NAA25: variants seen among roughly 807,000 people sequenced by gnomAD.
NAA25 encodes the protein N-alpha-acetyltransferase 25, NatB auxiliary subunit.
NAA25 carries 30 observed loss-of-function variants against 132.5 expected under a neutral mutation model. The ratio of observed to expected loss-of-function variants is 0.23; its 90% CI spans 0.17 to 0.31. The LOEUF (loss-of-function observed/expected upper bound fraction) is 0.31, where lower values mean the gene tolerates loss of function less well. Among genes scored for constraint, NAA25 ranks in the 10% least tolerant of loss-of-function variants. NAA25 has a pLI of 1.00. For synonymous variants in NAA25, 359 were observed against 401.9 expected, an observed-to-expected ratio of 0.89 and a Z score of 1.28; for missense variants, 771 against 1,150.4, an observed-to-expected ratio of 0.67 and a Z score of 4.77.
Position 112,026,967 on chromosome 12 carries a change from CACA to C in NAA25, c.*2561_*2563del, listed in dbSNP as rs2078094791. 6.6e-6 allele frequency: 1 copy of C among 152,504 alleles called. No homozygotes were observed. The highest frequency in any genetic ancestry group is 1.5e-5 in the Non-Finnish European group (1 of 68,016). 9.4% of individuals were successfully genotyped at this position (152,504 alleles called of 1,614,324 possible). A position where few individuals can be genotyped will look rare whatever the true frequency, so the allele number is the denominator to read the frequency against. ...GAAAATATACAAAATTGATGGGCAA[CACA>C]ACTAGGCATTTGTACATTTTCCATT... On this transcript the variant is annotated 3_prime_UTR_variant, in exon 24 of 24. Coordinates refer to ENST00000261745, the MANE Select transcript of NAA25 (RefSeq NM_024953.4).
intron 1 of NAA25, among the ~76,000 whole-genome samples, chr12:112,094,240 C>CAAAAA (rs199734463): frequency 5.8e-5 from 4 of 69,264 alleles, no homozygotes; most frequent in Admixed American, 1.6e-4. Context: ...GACTCTGTCT[C>CAAAAA]AAAAAAAAAA....
At chr12:112,061,530 T>A in intron 11 of NAA25, 142 bp from the exon 12 acceptor site, 2 of 688,118 alleles carry the variant, frequency 2.9e-6, no homozygotes, top group Non-Finnish European at 4.8e-6. Context: ...ATTTTCTATC[T>A]ACCAAAATAG....
chr12:112,037,059 G>GA (rs1051423119), intron 22 of NAA25, among the ~76,000 whole-genome samples: 1 of 151,616 alleles, frequency 6.6e-6, no homozygotes, highest in Non-Finnish European at 1.5e-5. Flanking sequence ...TCAGTTCACT[G>GA]AAAAAATACC....
At chr12:112,096,676 T>C (rs1357602487) in intron 1 of NAA25, among the ~76,000 whole-genome samples, 1 of 152,204 alleles carries the variant, frequency 6.6e-6, no homozygotes, top group African/African-American at 2.4e-5. Flanking sequence ...AATACCAGTT[T>C]TCTTAAATCC....
At chr12:112,062,207 G>GC (rs565795137) in intron 11 of NAA25, among the ~76,000 whole-genome samples, 4 of 151,980 alleles carry the variant, frequency 2.6e-5, no homozygotes, top group Non-Finnish European at 4.4e-5. Flanking sequence ...GACCAGCTGG[G>GC]CCAACATGCT....
At chr12:112,060,133 C>T (rs947221880) in intron 13 of NAA25, 137 bp downstream of exon 13, 1 of 637,482 alleles carries the variant, frequency 1.6e-6, no homozygotes, top group African/African-American at 1.9e-5. Flanking sequence ...TGGAAGCACC[C>T]TAGAAATATC....
intron 15 of NAA25, among the ~76,000 whole-genome samples, chr12:112,050,448 T>C (rs534094106): frequency 4.2e-4 from 64 of 152,264 alleles, no homozygotes; most frequent in Non-Finnish European, 4.6e-4. Context: ...TAGTGAAATA[T>C]ATGGACATAA....
intron 17 of NAA25, among the ~76,000 whole-genome samples, chr12:112,045,836 C>T (rs1205525357): frequency 1.3e-5 from 2 of 151,690 alleles, no homozygotes; most frequent in Admixed American, 1.3e-4. Context: ...CACAACTTAA[C>T]AATTTTAAAC....
intron 10 of NAA25, among the ~76,000 whole-genome samples, chr12:112,070,784 T>C (rs1185238801): frequency 6.6e-6 from 1 of 152,146 alleles, no homozygotes; most frequent in Non-Finnish European, 1.5e-5. Context: ...TCTCACTCTG[T>C]CACCCAGGCT....
At chr12:112,060,167 T>A in intron 13 of NAA25, 103 bp downstream of exon 13, 2 of 804,092 alleles carry the variant, frequency 2.5e-6, no homozygotes, top group Non-Finnish European at 4.1e-6. Context: ...CCTAAAAGCA[T>A]AAATAAAATT....
intron 8 of NAA25, 68 bp from the exon 9 acceptor site, chr12:112,074,832 T>G: frequency 9.6e-7 from 1 of 1,039,992 alleles, no homozygotes; most frequent in Non-Finnish European, 1.5e-6. Flanking sequence ...TTAGGAACCA[T>G]GATATTCAAT....
chr12:112,038,925 G>A (rs1246399263), intron 22 of NAA25, among the ~76,000 whole-genome samples: 1 of 152,166 alleles, frequency 6.6e-6, no homozygotes, highest in Non-Finnish European at 1.5e-5. Context: ...GTTGCAGTGA[G>A]CCAAGATAGT....
intron 11 of NAA25, among the ~76,000 whole-genome samples, chr12:112,062,681 G>A (rs371292429): frequency 1.8e-4 from 28 of 151,396 alleles, no homozygotes; most frequent in African/African-American, 3.4e-4. Context: ...AGCCGAGATC[G>A]CACCACTGTA....
chr12:112,093,331 G>A (rs2079164963), intron 1 of NAA25, among the ~76,000 whole-genome samples, 195 bp from the exon 2 acceptor site: 1 of 152,016 alleles, frequency 6.6e-6, no homozygotes, highest in Non-Finnish European at 1.5e-5. Context: ...CTTGAGGCCA[G>A]GAGTTCGAGA....
At chr12:112,070,516 A>C (rs1424083539) in intron 10 of NAA25, among the ~76,000 whole-genome samples, 1 of 152,124 alleles carries the variant, frequency 6.6e-6, no homozygotes, top group Admixed American at 6.5e-5. Context: ...CCAAACTGGC[A>C]ATTTTACTTT....
In NAA25 at chr12:112,068,916, C is replaced by T. The variant is rs2078760769; in HGVS notation, c.1113G>A (p.Val371=). The T allele has an allele frequency of 1.9e-6, 3 of 1,613,006 alleles. No homozygotes were observed. Among genetic ancestry groups the T allele is most frequent in the Non-Finnish European group, 2.5e-6 (3 of 1,179,308 alleles). Residue 371 remains valine, a synonymous_variant, in exon 11 of 24, where the codon GTG becomes GTA. Coordinates refer to ENST00000261745, the MANE Select transcript of NAA25 (RefSeq NM_024953.4). ...GTGTAGCAGGTAAGAGGTCAACAAA[C>T]ACCTTAAGGTCTGTAAAACAACAAG... is the stretch of plus-strand genomic sequence containing the variant. ...DKPCCFTDLK[V]FVDLLPATQC...
chr12:112,067,990 A>G (rs2078744152), intron 11 of NAA25, among the ~76,000 whole-genome samples: 1 of 152,080 alleles, frequency 6.6e-6, no homozygotes, highest in Admixed American at 6.6e-5. Flanking sequence ...CACCCACCTC[A>G]GCCTCCCAAA....
chr12:112,070,871 C>T (rs2078794863), intron 10 of NAA25, among the ~76,000 whole-genome samples: 1 of 152,166 alleles, frequency 6.6e-6, no homozygotes, highest in Non-Finnish European at 1.5e-5. Flanking sequence ...CTCAGCCTCC[C>T]AAGTAGCTGT....
At chr12:112,037,916 A>C (rs1170502557) in intron 22 of NAA25, among the ~76,000 whole-genome samples, 1 of 152,064 alleles carries the variant, frequency 6.6e-6, no homozygotes, top group Non-Finnish European at 1.5e-5. Flanking sequence ...AAGGGTAAAC[A>C]CACATGACAA....
Sources: gnomAD v4.1 joint callset for allele counts (sites outside exome capture counted in the v4.1 genomes callset) on GRCh38, gnomAD v4.1.1 for gene constraint, MANE v1.5 for transcripts, NCBI Gene and HGNC (gene_info 2026-07-23, HGNC 2026-07-21) for gene names.